Variants in PCDH15 observed in about 807,000 individuals in gnomAD.
The protein encoded by PCDH15 is protocadherin related 15, also known as protocadherin-15.
Under a neutral mutation model 178.5 loss-of-function variants are expected in PCDH15, and 129 were observed. The observed-to-expected ratio is 0.72, with a 90% confidence interval of 0.63 to 0.84. The LOEUF is 0.84. PCDH15 is among the 40% of genes least tolerant of loss of function. The pLI is 0.00. For missense variants in PCDH15, 2,230 were observed against 2,099.9 expected, an observed-to-expected ratio of 1.06 and a Z score of -1.21; for synonymous variants, 800 against 732.0, an observed-to-expected ratio of 1.09 and a Z score of -1.50.
chr10:55,571,144 G>C (rs759071381), intron 2 of PCDH15, among the ~76,000 whole-genome samples: 3 of 151,942 alleles, frequency 2.0e-5, no homozygotes, highest in Non-Finnish European at 4.4e-5. Context: ...GTTCATGTGA[G>C]AGTTGGTTTT....
At chr10:55,015,048 C>A (rs1391428004) in intron 2 of PCDH15, among the ~76,000 whole-genome samples, 1 of 151,838 alleles carries the variant, frequency 6.6e-6, no homozygotes, top group Non-Finnish European at 1.5e-5. Flanking sequence ...TGGTGAAACC[C>A]CATCTCTACT....
At chr10:53,978,374 G>A (rs935214122) in intron 21 of PCDH15, among the ~76,000 whole-genome samples, 14 of 152,144 alleles carry the variant, frequency 9.2e-5, no homozygotes, top group Admixed American at 1.3e-4. Context: ...TGCATCTTCT[G>A]AAGCGATGGC....
At chr10:54,887,036 C>T (rs1039589671) in intron 3 of PCDH15, among the ~76,000 whole-genome samples, 2 of 152,142 alleles carry the variant, frequency 1.3e-5, no homozygotes, top group Admixed American at 1.3e-4. Flanking sequence ...TAACAAAATT[C>T]CCCAAGGACT....
At chr10:54,140,452 T>A (rs969753421) in intron 14 of PCDH15, among the ~76,000 whole-genome samples, 11 of 151,966 alleles carry the variant, frequency 7.2e-5, no homozygotes, top group Admixed American at 4.6e-4. Flanking sequence ...AATTGAGGGT[T>A]GGACTACTGT....
At chr10:55,445,547 T>C (rs1008699955) in intron 2 of PCDH15, among the ~76,000 whole-genome samples, 17 of 152,092 alleles carry the variant, frequency 1.1e-4, no homozygotes, top group Admixed American at 1.1e-3. Context: ...CACTGAAAAA[T>C]ACATATGCTA....
At chr10:55,187,758 A>G in intron 1 of PCDH15, among the ~76,000 whole-genome samples, 1 of 152,004 alleles carries the variant, frequency 6.6e-6, no homozygotes, top group East Asian at 1.9e-4. Flanking sequence ...GAAAAAGAAC[A>G]TGTAACAGAG....
chr10:55,214,146 T>C (rs1284152557), intron 1 of PCDH15, among the ~76,000 whole-genome samples: 1 of 152,036 alleles, frequency 6.6e-6, no homozygotes, highest in East Asian at 1.9e-4. Context: ...AAAAATATGT[T>C]AGAACTGGTT....
intron 1 of PCDH15, among the ~76,000 whole-genome samples, chr10:54,748,059 C>T (rs7916944): frequency 0.035 from 5,351 of 152,078 alleles, 335 homozygotes; most frequent in African/African-American, 0.12. Context: ...CCCGCCCCCG[C>T]CTCCCAAAGT....
chr10:54,159,411 C>A (rs146287962), intron 13 of PCDH15, among the ~76,000 whole-genome samples: 3 of 152,074 alleles, frequency 2.0e-5, no homozygotes, highest in African/African-American at 4.8e-5. Context: ...GAGACCCATA[C>A]AGAAGAAGAC....
chr10:54,161,580 T>A (rs1338403254), intron 13 of PCDH15, among the ~76,000 whole-genome samples: 1 of 139,206 alleles, frequency 7.2e-6, no homozygotes, highest in African/African-American at 2.5e-5. Flanking sequence ...ACACAGAAAT[T>A]GACCCCCCAC....
At chr10:54,006,651 C>G (rs767274130) in intron 20 of PCDH15, among the ~76,000 whole-genome samples, 1 of 152,190 alleles carries the variant, frequency 6.6e-6, no homozygotes, top group Non-Finnish European at 1.5e-5. Flanking sequence ...CACGGTTTCA[C>G]AAATGCTGCC....
At chr10:55,449,471 T>C (rs1477085442) in intron 2 of PCDH15, among the ~76,000 whole-genome samples, 2 of 152,026 alleles carry the variant, frequency 1.3e-5, no homozygotes, top group Admixed American at 6.6e-5. Flanking sequence ...TTGGAGTTAT[T>C]AGAAAGATTG....
intron 2 of PCDH15, among the ~76,000 whole-genome samples, chr10:54,936,569 T>A (rs1335849623): frequency 6.6e-6 from 1 of 151,984 alleles, no homozygotes; most frequent in Non-Finnish European, 1.5e-5. Context: ...ATTACAGCCA[T>A]CACCCTAATG....
intron 2 of PCDH15, among the ~76,000 whole-genome samples, chr10:55,446,260 T>A (rs1351696338): frequency 6.7e-6 from 1 of 150,344 alleles, no homozygotes; most frequent in Non-Finnish European, 1.5e-5. Flanking sequence ...AGAAAAAAAA[T>A]CATGTTTATG....
At chr10:54,911,360 A>G (rs1954810631) in intron 2 of PCDH15, among the ~76,000 whole-genome samples, 1 of 152,220 alleles carries the variant, frequency 6.6e-6, no homozygotes, top group African/African-American at 2.4e-5. Flanking sequence ...AATTATACTG[A>G]TTTAAGGAAA....
intron 2 of PCDH15, among the ~76,000 whole-genome samples, chr10:55,121,571 C>T (rs1320950922): frequency 6.6e-6 from 1 of 152,020 alleles, no homozygotes; most frequent in Non-Finnish European, 1.5e-5. Context: ...ATATGTGTCT[C>T]TCTAAAATTT....
intron 1 of PCDH15, among the ~76,000 whole-genome samples, chr10:54,675,427 C>G (rs2135557092): frequency 6.8e-6 from 1 of 148,052 alleles, no homozygotes; most frequent in East Asian, 2.0e-4. Context: ...TAATTTCATT[C>G]TGACCTTTTT....
At chr10:54,874,562 G>T (rs886414307) in intron 3 of PCDH15, among the ~76,000 whole-genome samples, 3 of 151,968 alleles carry the variant, frequency 2.0e-5, no homozygotes, top group Admixed American at 6.6e-5. Flanking sequence ...TTGACAAATG[G>T]GGTCTAATTA....
intron 2 of PCDH15, among the ~76,000 whole-genome samples, chr10:54,903,104 G>T (rs942133062): frequency 6.6e-6 from 1 of 152,050 alleles, no homozygotes; most frequent in Non-Finnish European, 1.5e-5. Flanking sequence ...TTACTCAAAT[G>T]CAGAAAAGAG....
Sources: gnomAD v4.1 joint callset for allele counts (sites outside exome capture counted in the v4.1 genomes callset) on GRCh38, gnomAD v4.1.1 for gene constraint, MANE v1.5 for transcripts, NCBI Gene and HGNC (gene_info 2026-07-23, HGNC 2026-07-21) for gene names.